NCOA2: variants seen among roughly 807,000 people sequenced by gnomAD.
The protein encoded by NCOA2 is class E basic helix-loop-helix protein 75.
In NCOA2, 21 loss-of-function variants were observed where a neutral mutation model predicts 145.1. The observed-to-expected ratio is 0.14, with a 90% confidence interval of 0.10 to 0.21. The LOEUF (loss-of-function observed/expected upper bound fraction) is 0.21, where lower values mean the gene tolerates loss of function less well. Among genes scored for constraint, NCOA2 ranks in the 10% least tolerant of loss-of-function variants. The pLI is 1.00. For synonymous variants in NCOA2, 619 were observed against 637.5 expected, an observed-to-expected ratio of 0.97 and a Z score of 0.44; for missense variants, 1,472 against 1,837.6, an observed-to-expected ratio of 0.80 and a Z score of 3.64.
At chr8:70,127,816 G>C (rs530109377) in intron 18 of NCOA2, among the ~76,000 whole-genome samples, 157 of 152,308 alleles carry the variant, frequency 1.0e-3, no homozygotes, top group African/African-American at 3.6e-3. Flanking sequence ...GGTTGAACAA[G>C]GCAACACTTT....
chr8:70,174,121 G>C (rs1226708065), intron 5 of NCOA2, among the ~76,000 whole-genome samples: 2 of 151,708 alleles, frequency 1.3e-5, no homozygotes, highest in Non-Finnish European at 2.9e-5. Context: ...TTTTAATTTT[G>C]GAACAGGTAC....
At chr8:70,162,063 GT>G (rs1235644216) in intron 9 of NCOA2, among the ~76,000 whole-genome samples, 1 of 152,068 alleles carries the variant, frequency 6.6e-6, no homozygotes, top group Admixed American at 6.6e-5. Flanking sequence ...GAACCTCCTC[GT>G]CCCCTTGTCC....
At position 70,228,763 on chromosome 8, in the gene NCOA2, T is replaced by C. The variant is rs1484521093; in HGVS notation, c.-19-11999A>G. Among the ~76,000 whole-genome samples the C allele has an allele frequency of 2.6e-5, 4 of 152,202 alleles. No homozygotes were observed. The South Asian group carries it at 6.2e-4, about 24-fold the overall frequency. ...CAAGTAATAAGCATGGAATGAAACT[T>C]GAAAGAAATTGAGATAATTGCTTGA... is the stretch of plus-strand genomic sequence containing the variant. On this transcript the variant is annotated intron_variant, in intron 2 of 22. Transcript: ENST00000452400.
At chr8:70,297,484 C>A (rs1457493963) in intron 1 of NCOA2, among the ~76,000 whole-genome samples, 3 of 152,136 alleles carry the variant, frequency 2.0e-5, no homozygotes, top group Admixed American at 1.3e-4. Flanking sequence ...CAGGCATGCG[C>A]CACCACACCC....
At chr8:70,136,544 A>T (rs1481197035) in intron 15 of NCOA2, among the ~76,000 whole-genome samples, 1 of 132,710 alleles carries the variant, frequency 7.5e-6, no homozygotes, top group Non-Finnish European at 1.5e-5. Context: ...TACCAGATGA[A>T]TGAAGGAAAA....
the NCOA2 span, among the ~76,000 whole-genome samples, chr8:70,412,739 A>C: frequency 6.6e-6 from 1 of 151,956 alleles, no homozygotes; most frequent in Non-Finnish European, 1.5e-5. Flanking sequence ...GTATGTAAAA[A>C]TTGGAATACA....
Position 70,156,872 on chromosome 8 carries a change from C to T in NCOA2, c.1493G>A (p.Gly498Asp), listed in dbSNP as rs1209699667. The change falls in exon 11 of 23, where the codon GGC (glycine) becomes GAC (aspartate). Residue 498 changes from glycine to aspartate, a missense_variant. Physicochemically the swap from Gly to Asp is moderately conservative, Grantham distance 94 (BLOSUM62 -1). Transcript: ENST00000452400. The part of the protein sequence containing the change: ...PRHRMSPGVA[G>D]SPRIPPSQFS... Reference sequence around the variant, plus strand: ...CTGACTGGGTGGGATTCGAGGGCTGCCAGCCACTCCAGGGCTCATGCGATG... The same window carrying T: ...CTGACTGGGTGGGATTCGAGGGCTGTCAGCCACTCCAGGGCTCATGCGATG... 1 of 1,613,880 alleles carries T rather than the reference C, an allele frequency of 6.2e-7. No homozygotes were observed. The highest frequency in any genetic ancestry group is 8.5e-7 in the Non-Finnish European group (1 of 1,179,896).
intron 1 of NCOA2, among the ~76,000 whole-genome samples, chr8:70,382,458 A>G (rs951723271): frequency 1.3e-5 from 2 of 152,202 alleles, no homozygotes; most frequent in Non-Finnish European, 2.9e-5. Context: ...CTTGGCCCCA[A>G]TGTGATAAAG....
intron 11 of NCOA2, 26 bp downstream of exon 11, chr8:70,155,945 C>A: frequency 6.5e-7 from 1 of 1,529,554 alleles, no homozygotes; most frequent in Non-Finnish European, 8.8e-7. Context: ...ATTAGTACAC[C>A]TGCGAGAAGA....
intron 1 of NCOA2, among the ~76,000 whole-genome samples, chr8:70,360,942 CAAAAAA>C (rs1213854420): frequency 1.8e-5 from 1 of 55,326 alleles, no homozygotes; most frequent in Admixed American, 1.9e-4. Context: ...GATTCCAGCT[CAAAAAA>C]AAAAAAAAAA....
intron 2 of NCOA2, among the ~76,000 whole-genome samples, chr8:70,246,922 C>T (rs1179411277): frequency 1.3e-5 from 2 of 152,082 alleles, no homozygotes; most frequent in African/African-American, 4.8e-5. Flanking sequence ...CATAAGTAAA[C>T]CAAGCCAAAC....
chr8:70,284,444 A>C (rs559431044), intron 2 of NCOA2, among the ~76,000 whole-genome samples: 55 of 152,288 alleles, frequency 3.6e-4, no homozygotes, highest in African/African-American at 1.3e-3. Flanking sequence ...CTAGAAAATA[A>C]ATTTTGTAGT....
At chr8:70,198,351 G>C (rs1053551888) in intron 4 of NCOA2, among the ~76,000 whole-genome samples, 5 of 152,144 alleles carry the variant, frequency 3.3e-5, no homozygotes, top group African/African-American at 1.2e-4. Flanking sequence ...TAAGGCTGGA[G>C]GTCTGCCTAG....
chr8:70,169,377 G>T (rs1474511233), intron 6 of NCOA2, among the ~76,000 whole-genome samples: 1 of 152,240 alleles, frequency 6.6e-6, no homozygotes, highest in African/African-American at 2.4e-5. Flanking sequence ...CTGCAAGACC[G>T]AAGAGCCCAT....
Position 70,156,346 on chromosome 8 carries a change from A to G in NCOA2, c.2019T>C (p.Pro673=), listed in dbSNP as rs766291197. ...DTNKDSTGSL[P]GSGSTHGTSL... ...AGGTTCCATGTGTAGACCCAGAACC[A>G]GGCAAGCTACCTGTGGAGTCTTTGT... Residue 673 remains proline, a synonymous_variant, in exon 11 of 23, where the codon CCT becomes CCC. Coordinates refer to ENST00000452400, the MANE Select transcript of NCOA2 (RefSeq NM_006540.4). 4 of 1,613,916 alleles carry G rather than the reference A, an allele frequency of 2.5e-6. No individual in the cohort carries two copies. The South Asian group carries it at 3.3e-5, about 13-fold the overall frequency.
At chr8:70,391,730 C>T (rs550758718) in intron 1 of NCOA2, among the ~76,000 whole-genome samples, 2 of 152,300 alleles carry the variant, frequency 1.3e-5, no homozygotes, top group South Asian at 4.1e-4. Context: ...GGGAACTGGT[C>T]CACCTTAAAA....
intron 2 of NCOA2, among the ~76,000 whole-genome samples, chr8:70,229,529 G>C (rs1283011696): frequency 6.6e-6 from 1 of 152,176 alleles, no homozygotes. Context: ...AGTTACTAAA[G>C]AGTGAGACAA....
In NCOA2 at chr8:70,128,991, A is replaced by C. The variant is rs1438437268; in HGVS notation, c.3325-11T>G. On this transcript the variant is annotated splice_polypyrimidine_tract_variant and intron_variant, in intron 16 of 22. Transcript: ENST00000452400. ...ATCTACTGCTTGGCTCTGGAGAGAA[A>C]GTCCCAAATAACAAACAAATAATTA... 6.3e-7 allele frequency: 1 copy of C among 1,580,834 alleles called. No individual in the cohort carries two copies. The highest frequency in any genetic ancestry group is 8.6e-7 in the Non-Finnish European group (1 of 1,161,808).
In NCOA2 at chr8:70,170,158, TG is replaced by T. The variant is rs752640037; in HGVS notation, c.541+43del. On this transcript the variant is annotated intron_variant, in intron 6 of 22. Transcript: ENST00000452400. Reference sequence around the variant, plus strand: ...CACTGTGTGTATGAGGCAGGGCAGGTGGGGGTGACGGGAGGTAGGGAGGGAG... The same window carrying T: ...CACTGTGTGTATGAGGCAGGGCAGGTGGGGTGACGGGAGGTAGGGAGGGAG... 19 of 1,572,272 alleles carry T rather than the reference TG, an allele frequency of 1.2e-5. No individual in the cohort carries two copies. In the African/African-American group the frequency reaches 2.0e-4, roughly 17 times the overall value.
Sources: gnomAD v4.1 joint callset for allele counts (sites outside exome capture counted in the v4.1 genomes callset) on GRCh38, gnomAD v4.1.1 for gene constraint, MANE v1.5 for transcripts, NCBI Gene and HGNC (gene_info 2026-07-23, HGNC 2026-07-21) for gene names.